The following NRG3 variants were observed in gnomAD, a reference collection of about 807,000 sequenced individuals.
NRG3 encodes the protein pro-neuregulin-3, membrane-bound isoform.
Under a neutral mutation model 66.9 loss-of-function variants are expected in NRG3, and 31 were observed. The observed-to-expected ratio is 0.46, with a 90% CI of 0.35 to 0.63. The LOEUF is 0.63. Among genes scored for constraint, NRG3 ranks in the 20% least tolerant of loss-of-function variants. The pLI, the probability that NRG3 is intolerant of heterozygous loss-of-function variation, is 0.00. For missense variants in NRG3, 910 were observed against 878.9 expected, an observed-to-expected ratio of 1.04 and a Z score of -0.45; for synonymous variants, 393 against 359.4, an observed-to-expected ratio of 1.09 and a Z score of -1.06.
intron 1 of NRG3, among the ~76,000 whole-genome samples, chr10:82,277,010 C>T (rs568528921): frequency 3.3e-4 from 50 of 151,894 alleles, no homozygotes; most frequent in Non-Finnish European, 5.6e-4. Context: ...ATATTTTTCT[C>T]CCTCATTATT....
chr10:82,598,943 G>A (rs1295572021), intron 2 of NRG3, among the ~76,000 whole-genome samples: 5 of 152,066 alleles, frequency 3.3e-5, no homozygotes, highest in African/African-American at 2.4e-5. Context: ...CCAGCTGCTC[G>A]GGAGCCTGAG....
intron 1 of NRG3, among the ~76,000 whole-genome samples, chr10:81,999,669 A>G (rs375484080): frequency 4.6e-5 from 7 of 152,334 alleles, no homozygotes; most frequent in African/African-American, 1.7e-4. Context: ...TAAGAAATCA[A>G]TTTCCTTTAT....
chr10:82,461,275 A>T (rs1465215687), intron 2 of NRG3, among the ~76,000 whole-genome samples: 1 of 149,090 alleles, frequency 6.7e-6, no homozygotes, highest in South Asian at 2.1e-4. Context: ...ACACCATCAC[A>T]AATACCATTG....
chr10:82,822,163 T>G (rs2061980219), intron 3 of NRG3, among the ~76,000 whole-genome samples: 1 of 152,084 alleles, frequency 6.6e-6, no homozygotes, highest in South Asian at 2.1e-4. Context: ...GGACTTATAA[T>G]GAAAAGTCAC....
At chr10:82,108,042 A>G (rs891908559) in intron 1 of NRG3, among the ~76,000 whole-genome samples, 2 of 152,312 alleles carry the variant, frequency 1.3e-5, no homozygotes, top group South Asian at 4.1e-4. Flanking sequence ...TTTTCTGTGC[A>G]TGGGCTTCCT....
intron 1 of NRG3, among the ~76,000 whole-genome samples, chr10:82,221,654 A>T (rs955917374): frequency 6.6e-6 from 1 of 152,218 alleles, no homozygotes; most frequent in Admixed American, 6.5e-5. Context: ...ACAAAAGGAA[A>T]TAACAGGGAC....
At chr10:81,893,517 A>G (rs1350257193) in intron 1 of NRG3, among the ~76,000 whole-genome samples, 2 of 152,098 alleles carry the variant, frequency 1.3e-5, no homozygotes, top group African/African-American at 2.4e-5. Context: ...CACATCCAGG[A>G]TGACTGAGCA....
chr10:82,599,671 G>A (rs775860594), intron 2 of NRG3, among the ~76,000 whole-genome samples: 30 of 152,068 alleles, frequency 2.0e-4, no homozygotes, highest in Non-Finnish European at 4.0e-4. Context: ...AAAAATAGTC[G>A]GGCGTGGTGG....
At chr10:82,006,385 T>C (rs1445080762) in intron 1 of NRG3, among the ~76,000 whole-genome samples, 2 of 152,132 alleles carry the variant, frequency 1.3e-5, no homozygotes, top group Non-Finnish European at 2.9e-5. Context: ...TTTGTAACTA[T>C]CTTCTTCCAA....
intron 2 of NRG3, among the ~76,000 whole-genome samples, chr10:82,501,661 A>G (rs1477081908): frequency 6.6e-6 from 1 of 152,136 alleles, no homozygotes; most frequent in African/African-American, 2.4e-5. Context: ...TTTCCCAGAA[A>G]GTACCATGTC....
At position 82,536,924 on chromosome 10, in the gene NRG3, T is replaced by A. The variant is rs559605446; in HGVS notation, c.953+178056T>A. Reference sequence around the variant, plus strand: ...AGATGCACTAAATGAAGAATGAGGATTTATTAACTTATTATTAAAGATATT... The same window carrying A: ...AGATGCACTAAATGAAGAATGAGGAATTATTAACTTATTATTAAAGATATT... On this transcript the variant is annotated intron_variant, in intron 2 of 8. Coordinates refer to ENST00000372141, the MANE Select transcript of NRG3 (RefSeq NM_001010848.4). Among the ~76,000 whole-genome samples, 7 of 151,730 alleles carry A rather than the reference T, an allele frequency of 4.6e-5. No individual in the cohort carries two copies. In the South Asian group the frequency reaches 1.5e-3, roughly 31 times the overall value.
intron 1 of NRG3, among the ~76,000 whole-genome samples, chr10:81,984,237 G>C (rs982342914): frequency 2.6e-5 from 4 of 152,124 alleles, no homozygotes; most frequent in African/African-American, 9.7e-5. Context: ...GCCACTGAAG[G>C]TTGTGGTACT....
At chr10:82,829,428 A>C (rs532440147) in intron 3 of NRG3, among the ~76,000 whole-genome samples, 1 of 152,220 alleles carries the variant, frequency 6.6e-6, no homozygotes, top group Non-Finnish European at 1.5e-5. Context: ...TTGTATAATC[A>C]GAAAGATGAT....
chr10:82,491,317 A>ATATATATATATATATATATAT (rs1564985027), intron 2 of NRG3, among the ~76,000 whole-genome samples: 20 of 32,992 alleles, frequency 6.1e-4, no homozygotes, highest in African/African-American at 1.2e-3. Context: ...TATATATATA[A>ATATATATATATATATATATAT]AATAAAGATG....
At chr10:82,445,283 A>G (rs1254161694) in intron 2 of NRG3, among the ~76,000 whole-genome samples, 1 of 152,170 alleles carries the variant, frequency 6.6e-6, no homozygotes, top group Non-Finnish European at 1.5e-5. Context: ...ACCCACAAGG[A>G]CATAAACATT....
intron 1 of NRG3, among the ~76,000 whole-genome samples, chr10:81,912,680 G>A (rs1845280696): frequency 6.6e-6 from 1 of 152,164 alleles, no homozygotes; most frequent in Non-Finnish European, 1.5e-5. Context: ...GAGATATTAA[G>A]GTTGAGATCT....
chr10:82,369,221 T>C (rs531079700), intron 2 of NRG3, among the ~76,000 whole-genome samples: 2 of 139,104 alleles, frequency 1.4e-5, no homozygotes, highest in East Asian at 4.2e-4. Context: ...GCCTCCCCAC[T>C]AAACTCTCTC....
intron 3 of NRG3, among the ~76,000 whole-genome samples, chr10:82,810,388 A>G (rs1223858492): frequency 6.6e-6 from 1 of 152,160 alleles, no homozygotes. Context: ...GAAGAGTTTT[A>G]GGCTGAGATG....
intron 1 of NRG3, among the ~76,000 whole-genome samples, chr10:82,008,855 A>G (rs896655459): frequency 1.3e-5 from 2 of 152,214 alleles, no homozygotes; most frequent in East Asian, 3.8e-4. Flanking sequence ...TGGGTTGGTC[A>G]TTTTAATACA....
Sources: allele counts gnomAD v4.1 joint callset (sites outside exome capture counted in the v4.1 genomes callset), GRCh38; gene constraint gnomAD v4.1.1; transcripts MANE v1.5; gene names NCBI Gene and HGNC (gene_info 2026-07-23, HGNC 2026-07-21).